ZNF407: variants seen among roughly 807,000 people sequenced by gnomAD.
ZNF407 encodes zinc finger protein 407.
In ZNF407, 17 loss-of-function variants were observed where a neutral mutation model predicts 131.2. The observed-to-expected ratio is 0.13, with a 90% confidence interval of 0.09 to 0.19. The LOEUF (loss-of-function observed/expected upper bound fraction) is 0.19, where lower values mean the gene tolerates loss of function less well. Ranked by LOEUF, ZNF407 falls within the 10% of genes least tolerant of loss-of-function variation. The pLI, the probability that ZNF407 is intolerant of heterozygous loss-of-function variation, is 1.00. For missense variants in ZNF407, 2,681 were observed against 2,830.6 expected (o/e 0.95, Z 1.20); for synonymous variants, 1,156 against 1,062.0 (o/e 1.09, Z -1.72).
rs939933834 is a variant in ZNF407, at chr18:74,689,467, G to A, written c.4802+48345G>A. Among the ~76,000 whole-genome samples the A allele has an allele frequency of 2.0e-5, 3 of 152,214 alleles. No individual in the cohort carries two copies. The South Asian group carries it at 6.2e-4, about 31-fold the overall frequency. ...TGCATTGTGGTTGCAGTCAATGAAA[G>A]TTAGAAATAATTGATTGCAGCTGCA... On this transcript the variant is annotated intron_variant, in intron 3 of 8. Coordinates refer to ENST00000299687, the MANE Select transcript of ZNF407 (RefSeq NM_017757.3).
intron 8 of ZNF407, among the ~76,000 whole-genome samples, chr18:74,999,800 A>G (rs139866527): frequency 1.4e-3 from 215 of 152,354 alleles, no homozygotes; most frequent in Admixed American, 2.9e-3. Context: ...CTGCATTTCA[A>G]CATTGTCACT....
intron 3 of ZNF407, among the ~76,000 whole-genome samples, chr18:74,676,562 G>C (rs192357782): frequency 6.6e-6 from 1 of 150,696 alleles, no homozygotes; most frequent in African/African-American, 2.5e-5. Flanking sequence ...TCAACCTCCC[G>C]AGTAGCTGGG....
At chr18:74,865,697 A>G (rs1397630787) in intron 4 of ZNF407, among the ~76,000 whole-genome samples, 1 of 152,240 alleles carries the variant, frequency 6.6e-6, no homozygotes, top group African/African-American at 2.4e-5. Context: ...TCTTTTCAAA[A>G]TAACTTAGAA....
chr18:74,983,978 A>G (rs951562993), intron 8 of ZNF407, among the ~76,000 whole-genome samples: 3 of 152,346 alleles, frequency 2.0e-5, no homozygotes, highest in African/African-American at 7.2e-5. Context: ...TTTAATAATT[A>G]TACATCAGTC....
At chr18:75,010,750 T>C (rs1028588767) in intron 8 of ZNF407, among the ~76,000 whole-genome samples, 18 of 152,208 alleles carry the variant, frequency 1.2e-4, no homozygotes, top group African/African-American at 3.9e-4. Flanking sequence ...TTGGTGCATA[T>C]GTCTCTCTCC....
chr18:74,643,929 T>C (rs911747660), intron 3 of ZNF407, among the ~76,000 whole-genome samples: 2 of 151,990 alleles, frequency 1.3e-5, no homozygotes, highest in Non-Finnish European at 2.9e-5. Flanking sequence ...CACTGGCAAA[T>C]CTTAACTACC....
chr18:74,739,323 C>T (rs1184920593), intron 3 of ZNF407, among the ~76,000 whole-genome samples: 1 of 151,696 alleles, frequency 6.6e-6, no homozygotes, highest in Non-Finnish European at 1.5e-5. Context: ...GGAGAGTGAA[C>T]GAGAAAAGGG....
Position 74,629,903 on chromosome 18 carries a change from CT to C in ZNF407, c.-53-1056del, listed in dbSNP as rs550293062. 1.2e-3 allele frequency among the ~76,000 whole-genome samples: 178 copies of C among 151,890 alleles called. 1 individual carries two copies. The highest frequency in any genetic ancestry group is 2.7e-3 in the African/African-American group (113 of 41,450). Reference sequence around the variant, plus strand: ...TCAAGGCATTTTATTCAATAAAATTCTTTTTTTTCTCAAAATTTACTCCATT... The same window carrying C: ...TCAAGGCATTTTATTCAATAAAATTCTTTTTTTCTCAAAATTTACTCCATT... On this transcript the variant is annotated intron_variant, in intron 1 of 8. Coordinates refer to ENST00000299687, the MANE Select transcript of ZNF407 (RefSeq NM_017757.3).
intron 8 of ZNF407, among the ~76,000 whole-genome samples, chr18:74,984,680 T>C (rs563298942): frequency 1.4e-4 from 22 of 152,334 alleles, no homozygotes; most frequent in Admixed American, 7.8e-4. Flanking sequence ...TCCCGTATTG[T>C]TTCTGAGATT....
chr18:75,008,103 T>C (rs111289444), intron 8 of ZNF407, among the ~76,000 whole-genome samples: 1 of 152,128 alleles, frequency 6.6e-6, no homozygotes, highest in Non-Finnish European at 1.5e-5. Flanking sequence ...AATTGGGAAG[T>C]TCACTGAATG....
intron 7 of ZNF407, among the ~76,000 whole-genome samples, chr18:74,919,684 A>G (rs1362536942): frequency 6.6e-6 from 1 of 152,210 alleles, no homozygotes; most frequent in African/African-American, 2.4e-5. Flanking sequence ...AATGACAAAG[A>G]CAAAAGGAAA....
intron 4 of ZNF407, among the ~76,000 whole-genome samples, chr18:74,837,901 A>T (rs1599187162): frequency 6.6e-6 from 1 of 152,174 alleles, no homozygotes; most frequent in East Asian, 1.9e-4. Flanking sequence ...CGACCTGCCC[A>T]TCTTGGCCTT....
chr18:74,727,546 CAG>C (rs1435071762), intron 3 of ZNF407, among the ~76,000 whole-genome samples: 2 of 152,194 alleles, frequency 1.3e-5, no homozygotes, highest in African/African-American at 4.8e-5. Flanking sequence ...GTGTTCAACA[CAG>C]GGGCTCGAAT....
At chr18:75,059,744 G>A (rs973780835) in intron 8 of ZNF407, among the ~76,000 whole-genome samples, 7 of 152,104 alleles carry the variant, frequency 4.6e-5, no homozygotes, top group African/African-American at 1.2e-4. Context: ...AGCTGTGGGC[G>A]CCACCCTCTT....
intron 8 of ZNF407, among the ~76,000 whole-genome samples, chr18:74,974,152 G>A (rs1422004442): frequency 6.6e-6 from 1 of 152,128 alleles, no homozygotes; most frequent in South Asian, 2.1e-4. Context: ...ATGTGCGATG[G>A]ACATTATGTC....
chr18:74,705,982 C>T (rs1438851921), intron 3 of ZNF407, among the ~76,000 whole-genome samples: 1 of 152,178 alleles, frequency 6.6e-6, no homozygotes, highest in Non-Finnish European at 1.5e-5. Flanking sequence ...CCTTTTTCAA[C>T]TAAAGATTAG....
chr18:74,948,854 G>A (rs1204037286), intron 8 of ZNF407, among the ~76,000 whole-genome samples: 4 of 152,186 alleles, frequency 2.6e-5, no homozygotes, highest in African/African-American at 9.7e-5. Flanking sequence ...TAGAGTTAAT[G>A]TATTCCAAAA....
rs1340026956 is a variant in ZNF407, at chr18:74,632,576, G to C, written c.1557G>C (p.Lys519Asn). The C allele has an allele frequency of 1.9e-6, 3 of 1,613,908 alleles. No individual in the cohort carries two copies. The highest frequency in any genetic ancestry group is 2.5e-6 in the Non-Finnish European group (3 of 1,179,904). Reference sequence around the variant, plus strand: ...CCGGGCTGCATTCCCTGACAGTGAAGCCAGCTTCTGGCTCTCAGACGTTGT... The same window carrying C: ...CCGGGCTGCATTCCCTGACAGTGAACCCAGCTTCTGGCTCTCAGACGTTGT... ...PDSGLHSLTV[K>N]PASGSQTLCA... The change falls in exon 2 of 9, where the codon AAG (lysine) becomes AAC (asparagine). Residue 519 changes from lysine (K) to asparagine (N), a missense_variant. Physicochemically the swap from Lys to Asn is moderately conservative, Grantham distance 94. This residue lies in a region of ZNF407 where 1,789 missense variants were observed against 1,748.7 expected (regional missense o/e 1.02). Transcript: ENST00000299687.
In ZNF407 at chr18:75,064,642, C is replaced by G; in HGVS notation, c.*174C>G. ...ACACTGGCCACCAGCCAGGCGCCCA[C>G]AGAGGGTACCGTGGGCTGGGCCTCG... On this transcript the variant is annotated 3_prime_UTR_variant, in exon 9 of 9. Transcript: ENST00000299687. 1.7e-6 allele frequency: 1 copy of G among 603,806 alleles called. No homozygotes were observed. Among genetic ancestry groups the G allele is most frequent in the Non-Finnish European group, 2.6e-6 (1 of 379,106 alleles). The allele number at this position is 603,806 out of a possible 1,614,324, so 37.4% of individuals were successfully genotyped here. A position where few individuals can be genotyped will look rare whatever the true frequency, so the allele number is the denominator to read the frequency against.
Sources: gnomAD v4.1 joint callset for allele counts (sites outside exome capture counted in the v4.1 genomes callset) on GRCh38, gnomAD v4.1.1 for gene constraint, gnomAD v4.1.1 regional missense constraint, MANE v1.5 for transcripts, NCBI Gene and HGNC (gene_info 2026-07-23, HGNC 2026-07-21) for gene names.